The following PDE11A variants were observed in gnomAD, a reference collection of about 807,000 sequenced individuals.
PDE11A encodes the protein phosphodiesterase 11A.
PDE11A carries 100 observed loss-of-function variants against 100.5 expected under a neutral mutation model. The observed-to-expected ratio is 1.00, with a 90% CI of 0.85 to 1.18. PDE11A has a LOEUF of 1.18. Among genes scored for constraint, PDE11A ranks in the 50% most tolerant of loss-of-function variants. The pLI, the probability that PDE11A is intolerant of heterozygous loss-of-function variation, is 0.00. For missense variants in PDE11A, 1,141 were observed against 1,152.6 expected, an observed-to-expected ratio of 0.99 and a Z score of 0.15; for synonymous variants, 381 against 420.8, an observed-to-expected ratio of 0.91 and a Z score of 1.16.
chr2:177,935,163 G>A (rs1039646829), intron 2 of PDE11A, among the ~76,000 whole-genome samples: 6 of 152,220 alleles, frequency 3.9e-5, no homozygotes, highest in African/African-American at 1.2e-4. Flanking sequence ...AAAATATCTT[G>A]TTCTATTTAA....
At chr2:177,906,137 A>T (rs1483872998) in intron 2 of PDE11A, among the ~76,000 whole-genome samples, 1 of 151,830 alleles carries the variant, frequency 6.6e-6, no homozygotes, top group Non-Finnish European at 1.5e-5. Context: ...TGTTTATATC[A>T]TAGACTCTAT....
At chr2:177,838,410 G>A (rs2105619518) in intron 6 of PDE11A, among the ~76,000 whole-genome samples, 1 of 152,272 alleles carries the variant, frequency 6.6e-6, no homozygotes, top group South Asian at 2.1e-4. Flanking sequence ...TGGTTTGAAG[G>A]AAAATAAGCA....
chr2:177,987,111 T>C (rs991158460), intron 2 of PDE11A, among the ~76,000 whole-genome samples: 1 of 152,104 alleles, frequency 6.6e-6, no homozygotes, highest in Non-Finnish European at 1.5e-5. Context: ...ATGAAGACCA[T>C]GTCCCCCAAA....
intron 10 of PDE11A, among the ~76,000 whole-genome samples, chr2:177,767,089 C>T (rs578178303): frequency 6.6e-6 from 1 of 152,092 alleles, no homozygotes; most frequent in African/African-American, 2.4e-5. Context: ...CCCAGAATTT[C>T]GGGAGGCTGA....
intron 2 of PDE11A, among the ~76,000 whole-genome samples, chr2:178,089,851 T>C (rs2087399388): frequency 6.6e-6 from 1 of 152,140 alleles, no homozygotes; most frequent in South Asian, 2.1e-4. Flanking sequence ...TTCTCCCCAT[T>C]TCAAAGCTGG....
At chr2:177,799,800 C>T (rs2082760095) in intron 9 of PDE11A, among the ~76,000 whole-genome samples, 1 of 152,156 alleles carries the variant, frequency 6.6e-6, no homozygotes, top group African/African-American at 2.4e-5. Flanking sequence ...AGGATCTGTG[C>T]TAACCAGAAA....
chr2:178,053,566 G>A (rs935333106), intron 1 of PDE11A, among the ~76,000 whole-genome samples: 1 of 152,200 alleles, frequency 6.6e-6, no homozygotes, highest in Non-Finnish European at 1.5e-5. Flanking sequence ...AAAAGAGGAA[G>A]TCAAATTGTC....
intron 2 of PDE11A, among the ~76,000 whole-genome samples, chr2:177,930,526 A>T (rs532989270): frequency 3.0e-4 from 46 of 152,372 alleles, no homozygotes; most frequent in African/African-American, 1.1e-3. Flanking sequence ...GTAGAATCTG[A>T]ATAACTACTC....
At chr2:177,968,195 G>A (rs935674867) in intron 2 of PDE11A, among the ~76,000 whole-genome samples, 3 of 152,144 alleles carry the variant, frequency 2.0e-5, no homozygotes. Flanking sequence ...ACAAAAAACA[G>A]AGACTGTATT....
chr2:178,104,199 C>T (rs2087591833), intron 2 of PDE11A: 1 of 1,057,780 alleles, frequency 9.5e-7, no homozygotes, highest in Non-Finnish European at 1.5e-6. Flanking sequence ...AAGAGTGGTC[C>T]ATTTTTAACG....
intron 9 of PDE11A, among the ~76,000 whole-genome samples, chr2:177,796,546 A>G (rs1372790067): frequency 6.6e-6 from 1 of 151,938 alleles, no homozygotes; most frequent in Non-Finnish European, 1.5e-5. Flanking sequence ...ATCTAGGGGG[A>G]AGGGGAGGTG....
rs1401086114 is a variant in PDE11A, at chr2:177,628,622, T to C, written c.*785A>G. 6.6e-6 allele frequency: 1 copy of C among 152,386 alleles called. No homozygotes were observed. The highest frequency in any genetic ancestry group is 6.5e-5 in the Admixed American group (1 of 15,288). 9.4% of individuals were successfully genotyped at this position (152,386 alleles called of 1,614,324 possible). A position where few individuals can be genotyped will look rare whatever the true frequency, so the allele number is the denominator to read the frequency against. On this transcript the variant is annotated 3_prime_UTR_variant, in exon 20 of 20. Transcript: ENST00000286063. Reference sequence around the variant, plus strand: ...GTGAACTATAGTTTCTAGATGTCACTTGTGGTAAATCCAGCTACAGATTTC... The same window carrying C: ...GTGAACTATAGTTTCTAGATGTCACCTGTGGTAAATCCAGCTACAGATTTC...
chr2:177,743,630 A>AT (rs1291212294), intron 10 of PDE11A, among the ~76,000 whole-genome samples: 1 of 152,222 alleles, frequency 6.6e-6, no homozygotes, highest in Non-Finnish European at 1.5e-5. Context: ...GTGAATTAGC[A>AT]TTTTTTAAGT....
At chr2:177,957,886 C>G (rs959613063) in intron 2 of PDE11A, among the ~76,000 whole-genome samples, 4 of 145,076 alleles carry the variant, frequency 2.8e-5, no homozygotes, top group Non-Finnish European at 6.1e-5. Context: ...ATTGCTCTAT[C>G]CTTTACCTTT....
chr2:177,940,198 C>T (rs1199160768), intron 2 of PDE11A, among the ~76,000 whole-genome samples: 2 of 152,070 alleles, frequency 1.3e-5, no homozygotes, highest in East Asian at 3.9e-4. Flanking sequence ...CTAATCTGCA[C>T]AGGATGAAGC....
intron 4 of PDE11A, among the ~76,000 whole-genome samples, chr2:177,885,643 A>G (rs1295532016): frequency 6.6e-6 from 1 of 152,194 alleles, no homozygotes; most frequent in East Asian, 1.9e-4. Context: ...ATGGAAAGTA[A>G]GTGATATAGA....
intron 19 of PDE11A, among the ~76,000 whole-genome samples, chr2:177,663,609 C>T (rs2105478230): frequency 6.6e-6 from 1 of 152,112 alleles, no homozygotes; most frequent in Admixed American, 6.5e-5. Context: ...ATATTAGTAT[C>T]CCTGGTTTAC....
intron 1 of PDE11A, among the ~76,000 whole-genome samples, chr2:178,053,708 T>C (rs1027010715): frequency 6.6e-6 from 1 of 152,162 alleles, no homozygotes; most frequent in Non-Finnish European, 1.5e-5. Flanking sequence ...AGCATTCCTA[T>C]ATACCAACAA....
At chr2:178,056,208 C>T (rs776666069) in intron 1 of PDE11A, among the ~76,000 whole-genome samples, 33 of 152,142 alleles carry the variant, frequency 2.2e-4, no homozygotes, top group Non-Finnish European at 4.3e-4. Flanking sequence ...GATTGTCCCA[C>T]ATCCTTCCTG....
Sources: allele counts gnomAD v4.1 joint callset (sites outside exome capture counted in the v4.1 genomes callset), GRCh38; gene constraint gnomAD v4.1.1; transcripts MANE v1.5; gene names NCBI Gene and HGNC (gene_info 2026-07-23, HGNC 2026-07-21).